CREM: variants seen among roughly 807,000 people sequenced by gnomAD.
The protein encoded by CREM is cAMP responsive element modulator.
CREM carries 13 observed loss-of-function variants against 37.3 expected under a neutral mutation model. The ratio of observed to expected loss-of-function variants is 0.35; its 90% CI spans 0.23 to 0.55. The LOEUF (loss-of-function observed/expected upper bound fraction) is 0.55, where lower values mean the gene tolerates loss of function less well. CREM is among the 20% of genes least tolerant of loss of function. The pLI, the probability that CREM is intolerant of heterozygous loss-of-function variation, is 0.88. For synonymous variants in CREM, 124 were observed against 120.2 expected (o/e 1.03, Z -0.21); for missense variants, 296 against 362.3 (o/e 0.82, Z 1.49).
intron 5 of CREM, among the ~76,000 whole-genome samples, chr10:35,180,914 A>G (rs1439600533): frequency 1.3e-5 from 2 of 152,214 alleles, no homozygotes; most frequent in Non-Finnish European, 2.9e-5. Flanking sequence ...TACACATGTC[A>G]TCATGTTCTG....
intron 6 of CREM, among the ~76,000 whole-genome samples, chr10:35,193,835 C>T (rs1240256188): frequency 2.6e-5 from 4 of 152,010 alleles, no homozygotes; most frequent in East Asian, 3.9e-4. Context: ...TGCGGTGGCT[C>T]ACACCTGTAA....
chr10:35,211,839 G>T lies in CREM; in HGVS notation c.*441G>T, dbSNP rs1488422908. 1.9e-6 allele frequency: 3 copies of T among 1,560,518 alleles called. No homozygotes were observed. Among genetic ancestry groups the T allele is most frequent in the Non-Finnish European group, 2.6e-6 (3 of 1,155,962 alleles). ...CTATGAACTGAAGGCAGCATGTATA[G>T]TTGCTTTTGAAGGAATACAATATAT... is the stretch of plus-strand genomic sequence containing the variant. On this transcript the variant is annotated 3_prime_UTR_variant, in exon 8 of 8. Coordinates refer to ENST00000685392, the MANE Select transcript of CREM (RefSeq NM_183011.2).
chr10:35,182,887 C>T (rs1012725477), intron 5 of CREM, among the ~76,000 whole-genome samples: 10 of 152,058 alleles, frequency 6.6e-5, no homozygotes, highest in East Asian at 3.8e-4. Context: ...AGCATATACC[C>T]GAGAGATGGC....
At chr10:35,128,482 TG>T (rs1207018761) in intron 1 of CREM, among the ~76,000 whole-genome samples, 2 of 152,024 alleles carry the variant, frequency 1.3e-5, no homozygotes, top group Non-Finnish European at 1.5e-5. Context: ...TTTTATTTGT[TG>T]TTTTTTTGTT....
At chr10:35,174,994 G>C (rs1244342933) in intron 3 of CREM, among the ~76,000 whole-genome samples, 1 of 152,236 alleles carries the variant, frequency 6.6e-6, no homozygotes, top group East Asian at 1.9e-4. Flanking sequence ...CTCTGGGTCA[G>C]AGACACCAGG....
At chr10:35,141,669 T>G (rs1228374947) in intron 2 of CREM, among the ~76,000 whole-genome samples, 2 of 152,142 alleles carry the variant, frequency 1.3e-5, no homozygotes, top group African/African-American at 4.8e-5. Context: ...GCATATTGGA[T>G]TTTGGAATTG....
chr10:35,168,677 C>A (rs143704192), intron 3 of CREM, among the ~76,000 whole-genome samples: 4 of 152,216 alleles, frequency 2.6e-5, no homozygotes, highest in Admixed American at 6.5e-5. Flanking sequence ...TTGCCCATGC[C>A]TATGTCCTGA....
chr10:35,201,372 G>A (rs912550375), intron 6 of CREM: 11 of 1,482,924 alleles, frequency 7.4e-6, no homozygotes, highest in Non-Finnish European at 1.0e-5. Context: ...CATGTGCCAG[G>A]CACTGTGCTA....
At chr10:35,198,027 A>G (rs548994822) in intron 6 of CREM, among the ~76,000 whole-genome samples, 2 of 152,334 alleles carry the variant, frequency 1.3e-5, no homozygotes, top group South Asian at 4.1e-4. Context: ...CTTACAAAAT[A>G]TGATGTACCC....
chr10:35,152,314 A>T (rs527623019), intron 3 of CREM: 72 of 152,372 alleles, frequency 4.7e-4, no homozygotes, highest in African/African-American at 1.4e-3. Flanking sequence ...TATGAAAATC[A>T]TCAGAGACCT....
intron 3 of CREM, among the ~76,000 whole-genome samples, chr10:35,153,385 G>A (rs532688316): frequency 6.6e-6 from 1 of 152,170 alleles, no homozygotes; most frequent in South Asian, 2.1e-4. Flanking sequence ...TTACTTCTGG[G>A]TATACAACTC....
At chr10:35,130,301 A>G (rs2089105690) in intron 1 of CREM, among the ~76,000 whole-genome samples, 1 of 152,148 alleles carries the variant, frequency 6.6e-6, no homozygotes, top group Non-Finnish European at 1.5e-5. Flanking sequence ...CTCCTTTTAG[A>G]CAATACATTT....
intron 3 of CREM, chr10:35,175,808 CA>C: frequency 6.2e-7 from 1 of 1,610,716 alleles, no homozygotes; most frequent in Non-Finnish European, 8.5e-7. Context: ...AAAACAATAA[CA>C]AAAAAGGTCC....
chr10:35,165,479 C>T (rs1407204313), intron 3 of CREM, among the ~76,000 whole-genome samples: 1 of 152,124 alleles, frequency 6.6e-6, no homozygotes, highest in Non-Finnish European at 1.5e-5. Context: ...ATTTTGACAT[C>T]TACTTTTATG....
intron 1 of CREM, among the ~76,000 whole-genome samples, chr10:35,130,118 C>T (rs1366122879): frequency 2.0e-5 from 3 of 151,330 alleles, no homozygotes; most frequent in Non-Finnish European, 4.4e-5. Flanking sequence ...ATTGCTTGAA[C>T]CCCGGAGGCG....
intron 2 of CREM, among the ~76,000 whole-genome samples, chr10:35,138,706 A>G (rs2090984085): frequency 6.6e-6 from 1 of 151,566 alleles, no homozygotes; most frequent in Non-Finnish European, 1.5e-5. Flanking sequence ...TTAATTTTAT[A>G]TTAAAACAAT....
At chr10:35,129,481 T>C (rs2088876024) in intron 1 of CREM, among the ~76,000 whole-genome samples, 2 of 152,208 alleles carry the variant, frequency 1.3e-5, no homozygotes, top group African/African-American at 4.8e-5. Context: ...TAAGGAATCC[T>C]GACTGAATCT....
chr10:35,151,424 A>G (rs1260211367), intron 3 of CREM, among the ~76,000 whole-genome samples: 2 of 152,138 alleles, frequency 1.3e-5, no homozygotes, highest in Non-Finnish European at 2.9e-5. Context: ...CAGTGGTGCA[A>G]TCTCGGCTCA....
intron 7 of CREM, 151 bp from the exon 8 acceptor site, chr10:35,211,103 G>T (rs2095655849): frequency 3.1e-6 from 2 of 655,644 alleles, no homozygotes; most frequent in African/African-American, 1.8e-5. Context: ...CTTACAAAAA[G>T]CATGTGCCTG....
Sources: allele counts gnomAD v4.1 joint callset (sites outside exome capture counted in the v4.1 genomes callset), GRCh38; gene constraint gnomAD v4.1.1; transcripts MANE v1.5; gene names NCBI Gene and HGNC (gene_info 2026-07-23, HGNC 2026-07-21).